SLC27A6: variants seen among roughly 807,000 people sequenced by gnomAD.
The protein encoded by SLC27A6 is solute carrier family 27 member 6.
SLC27A6 carries 74 observed loss-of-function variants against 63.9 expected under a neutral mutation model. The observed-to-expected ratio is 1.16, with a 90% CI of 0.96 to 1.40. The LOEUF (loss-of-function observed/expected upper bound fraction) is 1.40, where lower values mean the gene tolerates loss of function less well. SLC27A6 is among the 40% of genes most tolerant of loss of function. The pLI is 0.00. For missense variants in SLC27A6, 794 were observed against 732.9 expected, an observed-to-expected ratio of 1.08 and a Z score of -0.96; for synonymous variants, 287 against 260.8, an observed-to-expected ratio of 1.10 and a Z score of -0.97.
Position 129,029,712 on chromosome 5 carries a change from T to A in SLC27A6, c.1683+5T>A. The A allele has an allele frequency of 6.3e-7, 1 of 1,593,072 alleles. No homozygotes were observed. The highest frequency in any genetic ancestry group is 8.5e-7 in the Non-Finnish European group (1 of 1,173,364). On this transcript the variant is annotated splice_donor_5th_base_variant and intron_variant, in intron 9 of 9. Transcript: ENST00000262462. ...CCACGATTTTTAAGAATTCAGGTAA[T>A]TTTAGTGGCGGAGTTTACTATCAAA... is the stretch of plus-strand genomic sequence containing the variant.
intron 1 of SLC27A6, among the ~76,000 whole-genome samples, chr5:128,967,059 C>T (rs181059638): frequency 6.6e-6 from 1 of 152,246 alleles, no homozygotes; most frequent in East Asian, 1.9e-4. Flanking sequence ...ACCTGAATTC[C>T]TTTCTTCATG....
At position 128,980,182 on chromosome 5, in the gene SLC27A6, C is replaced by G. The variant is rs1254346520; in HGVS notation, c.482-4951C>G. Among the ~76,000 whole-genome samples the G allele has an allele frequency of 1.7e-4, 26 of 152,248 alleles. No homozygotes were observed. The East Asian group carries it at 4.9e-3, about 29-fold the overall frequency. On this transcript the variant is annotated intron_variant, in intron 1 of 9. Coordinates refer to ENST00000262462, the MANE Select transcript of SLC27A6 (RefSeq NM_001017372.3). ...CATTGTATGTCCTCATCATCATCAT[C>G]ATCATCACAACCAACAGTAGTAGTA...
chr5:129,019,889 C>A (rs577346571), intron 5 of SLC27A6, among the ~76,000 whole-genome samples: 15 of 151,944 alleles, frequency 9.9e-5, no homozygotes, highest in Non-Finnish European at 1.3e-4. Flanking sequence ...CAGTAAAGAA[C>A]AGATCAAAGA....
At chr5:129,023,540 G>A (rs1752140262) in intron 5 of SLC27A6, 80 bp from the exon 6 acceptor site, 1 of 930,554 alleles carries the variant, frequency 1.1e-6, no homozygotes, top group Non-Finnish European at 1.7e-6. Flanking sequence ...TACTACAGTA[G>A]ACTAAATTGC....
chr5:128,985,384 A>G, intron 2 of SLC27A6, 48 bp downstream of exon 2: 1 of 1,542,474 alleles, frequency 6.5e-7, no homozygotes, highest in Non-Finnish European at 8.9e-7. Context: ...AGAAATTTGC[A>G]AAGCAACAGT....
At chr5:128,992,000 T>G (rs1750998735) in intron 4 of SLC27A6, among the ~76,000 whole-genome samples, 1 of 151,230 alleles carries the variant, frequency 6.6e-6, no homozygotes, top group Non-Finnish European at 1.5e-5. Flanking sequence ...TTAATCAAAT[T>G]TATTTAATTC....
chr5:128,969,024 G>A (rs375138341), intron 1 of SLC27A6, among the ~76,000 whole-genome samples: 10 of 151,980 alleles, frequency 6.6e-5, no homozygotes, highest in East Asian at 3.9e-4. Flanking sequence ...ATAGGGAATC[G>A]TTTCCCCATT....
chr5:128,976,499 A>T (rs1264867539), intron 1 of SLC27A6, among the ~76,000 whole-genome samples: 4 of 152,144 alleles, frequency 2.6e-5, no homozygotes, highest in African/African-American at 9.7e-5. Flanking sequence ...AGGCAACAAG[A>T]ATGAAACTCC....
chr5:129,030,436 G>A (rs1752381960), intron 9 of SLC27A6, among the ~76,000 whole-genome samples: 1 of 151,870 alleles, frequency 6.6e-6, no homozygotes, highest in Middle Eastern at 3.4e-3. Context: ...TCCTAGAGGA[G>A]CAATAACCTG....
chr5:128,970,658 T>A, intron 1 of SLC27A6, among the ~76,000 whole-genome samples: 1 of 152,168 alleles, frequency 6.6e-6, no homozygotes, highest in Non-Finnish European at 1.5e-5. Context: ...TTTTCTTCTT[T>A]ATTAGTCTTG....
intron 4 of SLC27A6, among the ~76,000 whole-genome samples, chr5:128,993,625 G>A (rs1395209622): frequency 5.9e-5 from 9 of 151,958 alleles, no homozygotes; most frequent in Middle Eastern, 3.2e-3. Context: ...TATAATAAAG[G>A]TATTAATAGT....
intron 1 of SLC27A6, among the ~76,000 whole-genome samples, chr5:128,984,403 A>G (rs553646431): frequency 2.1e-4 from 32 of 152,302 alleles, no homozygotes; most frequent in African/African-American, 7.7e-4. Context: ...TACTGGGCAA[A>G]TCAGGAAGGT....
chr5:129,020,049 T>C (rs1173113670), intron 5 of SLC27A6, among the ~76,000 whole-genome samples: 1 of 151,610 alleles, frequency 6.6e-6, no homozygotes, highest in Non-Finnish European at 1.5e-5. Flanking sequence ...CAAAAGGAGA[T>C]TTTGAGGTAG....
intron 4 of SLC27A6, among the ~76,000 whole-genome samples, chr5:129,003,861 G>A (rs572116557): frequency 1.3e-4 from 20 of 151,654 alleles, no homozygotes; most frequent in Admixed American, 2.6e-4. Context: ...TCAGCTACTT[G>A]GGAAGGTGAG....
Position 128,966,042 on chromosome 5 carries a change from A to C in SLC27A6, c.-96A>C. 5 of 1,419,050 alleles carry C rather than the reference A, an allele frequency of 3.5e-6. No individual in the cohort carries two copies. The highest frequency in any genetic ancestry group is 4.7e-6 in the Non-Finnish European group (5 of 1,061,040). 87.9% of individuals were successfully genotyped at this position (1,419,050 alleles called of 1,614,324 possible). A position where few individuals can be genotyped will look rare whatever the true frequency, so the allele number is the denominator to read the frequency against. ...AGAACTTCAGGTGTAAGCCCTGAGT[A>C]GTGAGGATCTGCGGTCTCCGTGGAG... On this transcript the variant is annotated 5_prime_UTR_variant, in exon 1 of 10. Coordinates refer to ENST00000262462, the MANE Select transcript of SLC27A6 (RefSeq NM_001017372.3).
chr5:129,014,241 C>CA (rs1157615637), intron 4 of SLC27A6, among the ~76,000 whole-genome samples: 1 of 152,040 alleles, frequency 6.6e-6, no homozygotes, highest in Non-Finnish European at 1.5e-5. Context: ...TATTTGGAAA[C>CA]AAAAAATTGC....
chr5:128,966,482 G>A lies in SLC27A6; in HGVS notation c.345G>A (p.Glu115=), dbSNP rs773045591. The change falls in exon 1 of 10, where the codon GAG becomes GAA. Residue 115 remains glutamate, a synonymous_variant. Transcript: ENST00000262462. ...CGGTGGCTCTGCTGATGAGCAATGA[G>A]CCGGACTTCGTTCACGTGTGGTTCG... ...GDTVALLMSN[E]PDFVHVWFGL... The A allele has an allele frequency of 2.0e-5, 32 of 1,609,214 alleles. 1 individual carries two copies. The South Asian group carries it at 2.3e-4, about 12-fold the overall frequency.
intron 4 of SLC27A6, among the ~76,000 whole-genome samples, chr5:128,999,494 T>G (rs1361180338): frequency 6.6e-6 from 1 of 152,120 alleles, no homozygotes; most frequent in Admixed American, 6.6e-5. Flanking sequence ...CGTCTACAAC[T>G]TAACTCTCAA....
intron 5 of SLC27A6, among the ~76,000 whole-genome samples, chr5:129,022,496 T>C (rs909285513): frequency 5.3e-5 from 8 of 152,164 alleles, no homozygotes; most frequent in African/African-American, 9.6e-5. Flanking sequence ...TCTTATCTTT[T>C]CCCACTTATT....
Sources: allele counts gnomAD v4.1 joint callset (sites outside exome capture counted in the v4.1 genomes callset), GRCh38; gene constraint gnomAD v4.1.1; transcripts MANE v1.5; gene names NCBI Gene and HGNC (gene_info 2026-07-23, HGNC 2026-07-21).